PPP6R1: variants seen among roughly 807,000 people sequenced by gnomAD.
PPP6R1 encodes the protein protein phosphatase 6 regulatory subunit 1.
A neutral mutation model predicts 104.6 loss-of-function variants in PPP6R1; 39 were observed. That is an observed-to-expected ratio of 0.37 (90% confidence interval 0.29 to 0.49). PPP6R1 has a LOEUF of 0.49. Ranked by LOEUF, PPP6R1 falls within the 20% of genes least tolerant of loss-of-function variation. PPP6R1 has a pLI of 0.98. For synonymous variants in PPP6R1, 549 were observed against 479.0 expected (o/e 1.15, Z -1.91); for missense variants, 1,181 against 1,155.8 (o/e 1.02, Z -0.32).
At chr19:55,247,255 C>A (rs755505460) in intron 1 of PPP6R1, 146 bp from the exon 2 acceptor site, 1 of 815,354 alleles carries the variant, frequency 1.2e-6, no homozygotes. Context: ...AGCCCGGCCC[C>A]GCCCCGGGAC....
chr19:55,238,531 G>T (rs1048547099), intron 15 of PPP6R1, among the ~76,000 whole-genome samples: 1 of 152,190 alleles, frequency 6.6e-6, no homozygotes, highest in Admixed American at 6.5e-5. Context: ...GTCTCGCTCT[G>T]TTGCCCAGGC....
rs552300877 is a variant in PPP6R1, at chr19:55,241,612, G to A, written c.873C>T (p.Phe291=). The change falls in exon 8 of 24, where the codon TTC becomes TTT. Residue 291 remains phenylalanine (F), a synonymous_variant. Coordinates refer to ENST00000412770, the MANE Select transcript of PPP6R1 (RefSeq NM_014931.4). This position sits in a 1 kb window ranked among gnomAD's most constrained non-coding sequence, Gnocchi z 5.4. Reference sequence around the variant, plus strand: ...CCAGCTGCCCATCCACACTGCTGAAGAAGCTGTTCACGGTCACGGACTCGG... The same window carrying A: ...CCAGCTGCCCATCCACACTGCTGAAAAAGCTGTTCACGGTCACGGACTCGG... ...PRSESVTVNS[F]FSSVDGQLEL... 141 of 1,586,820 alleles carry A rather than the reference G, an allele frequency of 8.9e-5. No homozygotes were observed. In the African/African-American group the frequency reaches 1.7e-3, roughly 19 times the overall value.
rs769962891 is a variant in PPP6R1 at position 55,232,136 on chromosome 19, G to C, written c.2064C>G (p.Gly688=). Residue 688 remains glycine (G), a synonymous_variant, in exon 18 of 24, where the codon GGC becomes GGG. Coordinates refer to ENST00000412770, the MANE Select transcript of PPP6R1 (RefSeq NM_014931.4). ...GGGTGGCCCCTCCACGGGCTGCACAGCCAATGCCCTCCTCGTCTTCCTCCT... is the reference window on the plus strand; with the variant it reads ...GGGTGGCCCCTCCACGGGCTGCACACCCAATGCCCTCCTCGTCTTCCTCCT... ...EEEEEDEEGI[G]CAARGGATPL... 1.9e-6 allele frequency: 3 copies of C among 1,593,246 alleles called. No individual in the cohort carries two copies. The highest frequency in any genetic ancestry group is 2.6e-6 in the Non-Finnish European group (3 of 1,169,912).
chr19:55,252,355 G>A (rs941989680), intron 1 of PPP6R1, among the ~76,000 whole-genome samples: 30 of 140,472 alleles, frequency 2.1e-4, no homozygotes, highest in Non-Finnish European at 3.5e-4. Context: ...TCAGCCTCCC[G>A]AGTAGTGGGG....
At chr19:55,228,540 G>T (rs2087307761), downstream of PPP6R1, 1 of 1,545,110 alleles carries the variant, frequency 6.5e-7, no homozygotes, top group Non-Finnish European at 8.7e-7. Context: ...GACCCCAGCT[G>T]TACAGGCTGG....
chr19:55,237,987 G>C (rs544082516), intron 15 of PPP6R1, among the ~76,000 whole-genome samples: 1 of 152,142 alleles, frequency 6.6e-6, no homozygotes, highest in Non-Finnish European at 1.5e-5. Context: ...GTTTCATCCC[G>C]AAAGGGGCAG....
intron 1 of PPP6R1, 161 bp from the exon 2 acceptor site, chr19:55,247,270 C>A (rs777988433): frequency 1.5e-6 from 1 of 683,074 alleles, no homozygotes; most frequent in African/African-American, 1.8e-5. Context: ...CGGGACTGCC[C>A]GCAGGCTCAC....
At chr19:55,242,530 C>A (rs760365489) in intron 5 of PPP6R1, 42 bp from the exon 6 acceptor site, 2 of 1,545,608 alleles carry the variant, frequency 1.3e-6, no homozygotes, top group South Asian at 1.1e-5. Flanking sequence ...GTCGGGCCAC[C>A]GGGCCCTCTG....
chr19:55,246,793 A>G (rs1405330992), intron 2 of PPP6R1, 84 bp downstream of exon 2: 1 of 1,261,356 alleles, frequency 7.9e-7, no homozygotes, highest in Non-Finnish European at 1.1e-6. Context: ...ACACTGACGC[A>G]TTTCAGGGTA....
chr19:55,230,759 T>A lies in PPP6R1; in HGVS notation c.2570+15A>T. On this transcript the variant is annotated intron_variant, in intron 22 of 23. Coordinates refer to ENST00000412770, the MANE Select transcript of PPP6R1 (RefSeq NM_014931.4). ...CCCCACCCCCACCCCCCCGCCCTGC[T>A]GCCCTGGTGCTCACCTCTGGCTTTG... The A allele has an allele frequency of 1.3e-6, 1 of 789,108 alleles. No homozygotes were observed. Among genetic ancestry groups the A allele is most frequent in the Admixed American group, 2.3e-5 (1 of 42,712 alleles). 48.9% of individuals were successfully genotyped at this position (789,108 alleles called of 1,614,324 possible).
rs772553651 is a variant in PPP6R1, at chr19:55,241,395, C to A, written c.1009-4G>T. On this transcript the variant is annotated splice_polypyrimidine_tract_variant and splice_region_variant and intron_variant, in intron 8 of 23. Transcript: ENST00000412770. This position sits in a 1 kb window ranked among gnomAD's most constrained non-coding sequence, Gnocchi z 5.4. ...ATGTCATCTGTAGCGGCTCCAGCTG[C>A]AGACACAGGGAGGCCTGATTCCCAA... 3.1e-6 allele frequency: 5 copies of A among 1,605,864 alleles called. No individual in the cohort carries two copies. Among genetic ancestry groups the A allele is most frequent in the South Asian group, 1.1e-5 (1 of 90,430 alleles).
At chr19:55,253,949 T>G (rs1267909162) in intron 1 of PPP6R1, among the ~76,000 whole-genome samples, 1 of 152,138 alleles carries the variant, frequency 6.6e-6, no homozygotes, top group Non-Finnish European at 1.5e-5. Context: ...GAAAAGGCAT[T>G]GAGCTAAAGC....
intron 10 of PPP6R1, among the ~76,000 whole-genome samples, chr19:55,240,511 G>GCATACA (rs1341660889): frequency 7.9e-6 from 1 of 126,028 alleles, no homozygotes; most frequent in Non-Finnish European, 1.7e-5. Context: ...AATATGTGGT[G>GCATACA]CATACACACA....
At chr19:55,228,941 G>A, downstream of PPP6R1, 2 of 587,308 alleles carry the variant, frequency 3.4e-6, no homozygotes, top group Non-Finnish European at 6.2e-6. Flanking sequence ...GGCACTGGGG[G>A]TCCCTCTGCC....
chr19:55,246,883 C>A lies in PPP6R1; in HGVS notation c.221G>T (p.Arg74Leu). Residue 74 changes from arginine (R) to leucine (L), a missense_variant, in exon 2 of 24, where the codon CGC becomes CTC. By Grantham distance (102) the Arg-to-Leu change is moderately radical. This residue lies in a region of PPP6R1 where 139 missense variants were observed against 200.1 expected (regional missense o/e 0.69). Transcript: ENST00000412770. ...EPPDSGEERL[R>L]YKYPSVACEI... ...CAGGAGCTGGGGAACTCACTTGTAG[C>A]GCAGCCGCTCCTCACCGCTATCTGG... is the stretch of plus-strand genomic sequence containing the variant. The A allele has an allele frequency of 6.3e-7, 1 of 1,595,702 alleles. No individual in the cohort carries two copies. Among genetic ancestry groups the A allele is most frequent in the Non-Finnish European group, 8.5e-7 (1 of 1,170,452 alleles).
intron 15 of PPP6R1, chr19:55,238,930 G>GA (rs906122437): frequency 1.8e-4 from 30 of 163,042 alleles, no homozygotes; most frequent in South Asian, 6.7e-4. Flanking sequence ...TTGGTAATTG[G>GA]AAAAAAAAAG....
rs950525002 is a variant in PPP6R1 at position 55,241,060 on chromosome 19, A to T, written c.1181T>A (p.Val394Asp). 4 of 1,553,650 alleles carry T rather than the reference A, an allele frequency of 2.6e-6. No homozygotes were observed. Among genetic ancestry groups the T allele is most frequent in the East Asian group, 2.4e-5 (1 of 41,178 alleles). Residue 394 changes from valine to aspartate, a missense_variant, in exon 10 of 24, where the codon GTC becomes GAC. Val to Asp is a radical substitution (Grantham distance 152, BLOSUM62 -3). Coordinates refer to ENST00000412770, the MANE Select transcript of PPP6R1 (RefSeq NM_014931.4). This position sits in a 1 kb window ranked among gnomAD's most constrained non-coding sequence, Gnocchi z 5.4. ...TTGGGCATGCAAGAAGTTGTTGAAG[A>T]CATAATGGAAGAAGAGGTCCTATGG... ...NTMLDLFFHY[V>D]FNNFLHAQVE... is the part of the protein sequence containing the mutation.
chr19:55,256,957 G>T (rs138732181), intron 1 of PPP6R1, among the ~76,000 whole-genome samples: 1 of 152,056 alleles, frequency 6.6e-6, no homozygotes, highest in Non-Finnish European at 1.5e-5. Flanking sequence ...TTACAGACGA[G>T]GAACAACTTG....
chr19:55,246,882 G>C lies in PPP6R1; in HGVS notation c.222C>G (p.Arg74=). The change falls in exon 2 of 24, where the codon CGC becomes CGG. Residue 74 remains arginine, a synonymous_variant. Transcript: ENST00000412770. ...EPPDSGEERL[R]YKYPSVACEI... ...CCAGGAGCTGGGGAACTCACTTGTA[G>C]CGCAGCCGCTCCTCACCGCTATCTG... is the stretch of plus-strand genomic sequence containing the variant. The C allele has an allele frequency of 6.3e-7, 1 of 1,595,344 alleles. No homozygotes were observed. The highest frequency in any genetic ancestry group is 1.1e-5 in the South Asian group (1 of 88,782).
Sources: allele counts gnomAD v4.1 joint callset (sites outside exome capture counted in the v4.1 genomes callset), GRCh38; gene constraint gnomAD v4.1.1; regional missense constraint gnomAD v4.1.1; non-coding constraint Gnocchi (gnomAD v3.1); transcripts MANE v1.5; gene names NCBI Gene and HGNC (gene_info 2026-07-23, HGNC 2026-07-21).